Variants in TTC28 observed in about 807,000 individuals in gnomAD.
The protein encoded by TTC28 is tetratricopeptide repeat protein 28.
A neutral mutation model predicts 198.0 loss-of-function variants in TTC28; 61 were observed. That is an observed-to-expected ratio of 0.31 (90% CI 0.25 to 0.38). The LOEUF is 0.38. Among genes scored for constraint, TTC28 ranks in the 10% least tolerant of loss-of-function variants. The probability of loss-of-function intolerance (pLI) is 1.00; values close to 1 mark genes in which losing one functional copy is unlikely to be tolerated. For synonymous variants in TTC28, 1,171 were observed against 1,297.8 expected, an observed-to-expected ratio of 0.90 and a Z score of 2.10; for missense variants, 2,678 against 3,164.0, an observed-to-expected ratio of 0.85 and a Z score of 3.69.
chr22:28,364,552 G>T (rs921391402), intron 2 of TTC28, among the ~76,000 whole-genome samples: 15 of 152,106 alleles, frequency 9.9e-5, no homozygotes, highest in African/African-American at 3.6e-4. Flanking sequence ...TTCTGGAAAG[G>T]ATTAACCATT....
rs144028623 is a variant in TTC28, at chr22:28,418,658, T to C, written c.382-112015A>G. On this transcript the variant is annotated intron_variant, in intron 2 of 22. Coordinates refer to ENST00000397906, the MANE Select transcript of TTC28 (RefSeq NM_001145418.2). ...AGAAAGAGTCTCTTAAAGGAATTTA[T>C]TGTGTAGTACTCTCCAATATAACCT... Among the ~76,000 whole-genome samples the C allele has an allele frequency of 4.6e-3, 694 of 152,340 alleles. 2 individuals are homozygous for C. The highest frequency in any genetic ancestry group is 0.016 in the African/African-American group (658 of 41,582).
chr22:28,627,005 T>C (rs1325993710), intron 2 of TTC28, among the ~76,000 whole-genome samples: 1 of 151,946 alleles, frequency 6.6e-6, no homozygotes, highest in Non-Finnish European at 1.5e-5. Flanking sequence ...CGTTCACAAA[T>C]ATAGGAAAAA....
At chr22:28,488,732 G>A (rs1222168518) in intron 2 of TTC28, among the ~76,000 whole-genome samples, 1 of 152,076 alleles carries the variant, frequency 6.6e-6, no homozygotes, top group Non-Finnish European at 1.5e-5. Flanking sequence ...AGAAGTCTCA[G>A]GTCTATAGAT....
At chr22:28,655,076 T>C (rs946320315) in intron 1 of TTC28, among the ~76,000 whole-genome samples, 2 of 152,230 alleles carry the variant, frequency 1.3e-5, no homozygotes, top group Admixed American at 6.5e-5. Context: ...TTTATTCATA[T>C]GTATTTGAAC....
chr22:28,356,801 T>A (rs1182184562), intron 2 of TTC28, among the ~76,000 whole-genome samples: 1 of 152,176 alleles, frequency 6.6e-6, no homozygotes, highest in Non-Finnish European at 1.5e-5. Context: ...CGTAGCGGGT[T>A]CACGTCCCAG....
intron 12 of TTC28, among the ~76,000 whole-genome samples, chr22:28,047,549 A>G (rs1446249832): frequency 6.6e-6 from 1 of 152,206 alleles, no homozygotes; most frequent in Admixed American, 6.5e-5. Context: ...AGCGCCCACA[A>G]AAAGCAAGGT....
At chr22:27,994,126 C>CTACTGTTTA (rs1182967772) in intron 17 of TTC28, among the ~76,000 whole-genome samples, 1 of 152,218 alleles carries the variant, frequency 6.6e-6, no homozygotes, top group African/African-American at 2.4e-5. Flanking sequence ...AGTGTTTTAA[C>CTACTGTTTA]AGTAGTACAG....
chr22:28,326,975 A>ACAC (rs2045541028), intron 2 of TTC28, among the ~76,000 whole-genome samples: 1 of 142,842 alleles, frequency 7.0e-6, no homozygotes, highest in African/African-American at 2.7e-5. Context: ...CACAAACACA[A>ACAC]ACACACACAC....
intron 5 of TTC28, among the ~76,000 whole-genome samples, chr22:28,188,499 T>C (rs773618373): frequency 3.9e-5 from 6 of 152,180 alleles, no homozygotes; most frequent in Non-Finnish European, 7.4e-5. Flanking sequence ...TAAACTTATA[T>C]AAAAAGCAAC....
intron 5 of TTC28, among the ~76,000 whole-genome samples, chr22:28,275,130 C>A (rs1172312443): frequency 6.6e-6 from 1 of 152,008 alleles, no homozygotes. Flanking sequence ...ACTGGAAGAA[C>A]CAGAAGAACT....
chr22:28,420,529 C>T (rs910705557), intron 2 of TTC28, among the ~76,000 whole-genome samples: 3 of 143,710 alleles, frequency 2.1e-5, no homozygotes, highest in South Asian at 4.4e-4. Context: ...GAAAGCAATC[C>T]TAATTCTGCC....
intron 2 of TTC28, among the ~76,000 whole-genome samples, chr22:28,320,387 G>A (rs1345246035): frequency 6.6e-6 from 1 of 151,502 alleles, no homozygotes; most frequent in Admixed American, 6.6e-5. Flanking sequence ...CATTGTTTAT[G>A]TTTTAAGTTT....
At chr22:28,221,954 T>C (rs1306212511) in intron 5 of TTC28, among the ~76,000 whole-genome samples, 1 of 152,226 alleles carries the variant, frequency 6.6e-6, no homozygotes, top group African/African-American at 2.4e-5. Context: ...TGGCATTTAG[T>C]GGTTACTCAA....
At chr22:28,320,332 A>G (rs2045426481) in intron 2 of TTC28, among the ~76,000 whole-genome samples, 1 of 151,734 alleles carries the variant, frequency 6.6e-6, no homozygotes, top group African/African-American at 2.4e-5. Context: ...GGCACAAGAT[A>G]TGGAAAATTC....
chr22:28,279,420 G>C (rs1005406352), intron 5 of TTC28, among the ~76,000 whole-genome samples: 3 of 152,080 alleles, frequency 2.0e-5, no homozygotes, highest in African/African-American at 7.2e-5. Context: ...ACCCAGGCTG[G>C]AGTGCAATGG....
At chr22:28,221,539 C>T (rs1927867395) in intron 5 of TTC28, among the ~76,000 whole-genome samples, 1 of 152,110 alleles carries the variant, frequency 6.6e-6, no homozygotes, top group Admixed American at 6.6e-5. Context: ...GATTCTAAAT[C>T]CACAGTATGG....
At chr22:28,304,187 A>G (rs761208977) in intron 3 of TTC28, among the ~76,000 whole-genome samples, 203 of 152,144 alleles carry the variant, frequency 1.3e-3, no homozygotes, top group Middle Eastern at 3.4e-3. Flanking sequence ...CAGGAGGCTG[A>G]GGCAGGAGAA....
intron 12 of TTC28, among the ~76,000 whole-genome samples, chr22:28,079,426 A>G (rs80029064): frequency 0.033 from 4,971 of 152,256 alleles, 161 homozygotes; most frequent in East Asian, 0.08. Flanking sequence ...AGTGTTAACT[A>G]TATGTATCTT....
chr22:28,101,521 G>A (rs1942152669), intron 8 of TTC28, among the ~76,000 whole-genome samples: 1 of 151,992 alleles, frequency 6.6e-6, no homozygotes, highest in African/African-American at 2.4e-5. Flanking sequence ...ACCACAACCC[G>A]GCTGGCTTTT....
Sources: gnomAD v4.1 joint callset for allele counts (sites outside exome capture counted in the v4.1 genomes callset) on GRCh38, gnomAD v4.1.1 for gene constraint, MANE v1.5 for transcripts, NCBI Gene and HGNC (gene_info 2026-07-23, HGNC 2026-07-21) for gene names.